ULK4: variants seen among roughly 807,000 people sequenced by gnomAD.
The protein encoded by ULK4 is inactive serine/threonine-protein kinase ULK4.
ULK4 carries 133 observed loss-of-function variants against 160.6 expected under a neutral mutation model. The observed-to-expected ratio is 0.83, with a 90% CI of 0.72 to 0.96. The LOEUF is 0.96. ULK4 is among the 40% of genes least tolerant of loss of function. The pLI is 0.00. For missense variants in ULK4, 1,580 were observed against 1,499.5 expected (o/e 1.05, Z -0.89); for synonymous variants, 534 against 539.8 (o/e 0.99, Z 0.15).
At chr3:41,536,865 T>TC (rs1266730290) in intron 32 of ULK4, among the ~76,000 whole-genome samples, 5 of 152,230 alleles carry the variant, frequency 3.3e-5, no homozygotes, top group African/African-American at 1.2e-4. Flanking sequence ...TTTGTCTTTT[T>TC]GTTTTTTTCA....
At chr3:41,775,694 C>G (rs1378787427) in intron 21 of ULK4, among the ~76,000 whole-genome samples, 1 of 150,750 alleles carries the variant, frequency 6.6e-6, no homozygotes, top group East Asian at 1.9e-4. Flanking sequence ...CCACCGCGCC[C>G]AGCCGACAAC....
intron 20 of ULK4, among the ~76,000 whole-genome samples, chr3:41,791,076 A>G (rs973229061): frequency 6.6e-5 from 10 of 152,250 alleles, no homozygotes; most frequent in African/African-American, 2.4e-4. Context: ...TATAAAAAAC[A>G]TAAAAAGACT....
intron 35 of ULK4, among the ~76,000 whole-genome samples, chr3:41,351,252 A>C (rs1018504156): frequency 2.0e-5 from 3 of 152,176 alleles, no homozygotes; most frequent in African/African-American, 7.2e-5. Context: ...AAGGTAACTC[A>C]CCACAGAGGG....
At chr3:41,257,960 T>C (rs987577875) in intron 35 of ULK4, among the ~76,000 whole-genome samples, 1 of 152,224 alleles carries the variant, frequency 6.6e-6, no homozygotes, top group African/African-American at 2.4e-5. Context: ...TGCTAAATTA[T>C]TGTATACTAT....
chr3:41,307,551 G>A (rs1485450277), intron 35 of ULK4, among the ~76,000 whole-genome samples: 1 of 152,140 alleles, frequency 6.6e-6, no homozygotes, highest in Non-Finnish European at 1.5e-5. Flanking sequence ...AATTAGGCTG[G>A]GTGTAATCGC....
At chr3:41,676,978 T>C (rs115628125) in intron 29 of ULK4, among the ~76,000 whole-genome samples, 113 of 138,030 alleles carry the variant, frequency 8.2e-4, no homozygotes, top group African/African-American at 3.2e-3. Flanking sequence ...AGAATCACGG[T>C]CACCATATCC....
chr3:41,690,681 G>T (rs902205727), intron 27 of ULK4, among the ~76,000 whole-genome samples: 1 of 151,628 alleles, frequency 6.6e-6, no homozygotes, highest in African/African-American at 2.4e-5. Context: ...TCTTCATCCA[G>T]GGTTCTACGC....
chr3:41,647,847 A>G (rs887655721), intron 30 of ULK4, among the ~76,000 whole-genome samples: 6 of 152,136 alleles, frequency 3.9e-5, no homozygotes, highest in African/African-American at 1.2e-4. Flanking sequence ...GGTGGGCTCC[A>G]CCCAGTTTGA....
intron 21 of ULK4, among the ~76,000 whole-genome samples, chr3:41,760,101 GA>G (rs1341701678): frequency 6.6e-6 from 1 of 151,766 alleles, no homozygotes; most frequent in East Asian, 1.9e-4. Context: ...TCAAAATTAA[GA>G]AAAAAATTTT....
chr3:41,508,810 A>G (rs1032530490), intron 32 of ULK4, among the ~76,000 whole-genome samples: 1 of 152,136 alleles, frequency 6.6e-6, no homozygotes, highest in Admixed American at 6.5e-5. Context: ...GTGGGACAAA[A>G]GAATCTGAAC....
chr3:41,570,150 G>A (rs186008251), intron 31 of ULK4, among the ~76,000 whole-genome samples: 1 of 152,260 alleles, frequency 6.6e-6, no homozygotes, highest in Non-Finnish European at 1.5e-5. Context: ...CAGCAGATTT[G>A]TACCTCCCAC....
At chr3:41,903,370 T>TG in intron 12 of ULK4, among the ~76,000 whole-genome samples, 1 of 152,164 alleles carries the variant, frequency 6.6e-6, no homozygotes, top group East Asian at 1.9e-4. Flanking sequence ...GGATCACCTG[T>TG]GGCCAGGAAT....
intron 29 of ULK4, among the ~76,000 whole-genome samples, 184 bp from the exon 30 acceptor site, chr3:41,663,883 T>C (rs2035267225): frequency 6.6e-6 from 1 of 152,192 alleles, no homozygotes; most frequent in Admixed American, 6.5e-5. Context: ...ATATGCTCTA[T>C]TGAAATAAGA....
chr3:41,642,948 T>C (rs1277313960), intron 30 of ULK4, among the ~76,000 whole-genome samples: 5 of 152,260 alleles, frequency 3.3e-5, no homozygotes, highest in African/African-American at 1.2e-4. Context: ...CCAGTGATGA[T>C]GAGCATTTTT....
intron 21 of ULK4, among the ~76,000 whole-genome samples, chr3:41,774,502 G>C (rs1207883320): frequency 1.3e-5 from 2 of 149,492 alleles, no homozygotes; most frequent in South Asian, 2.1e-4. Context: ...TCAGAGAAAT[G>C]CAAATCAAAA....
In ULK4 at chr3:41,267,360, T is replaced by C. The variant is rs184567913; in HGVS notation, c.3679-17786A>G. 2.0e-3 allele frequency among the ~76,000 whole-genome samples: 304 copies of C among 152,326 alleles called. 3 individuals carry two copies. Among genetic ancestry groups the C allele is most frequent in the African/African-American group, 7.2e-3 (300 of 41,582 alleles). ...ACATGATCTTATTCCTTTTTATGGC[T>C]GCATAGTACTCCATGGTGTATATGT... On this transcript the variant is annotated intron_variant, in intron 35 of 36. Transcript: ENST00000301831.
chr3:41,455,537 T>G lies in ULK4; in HGVS notation c.3452A>C (p.Asn1151Thr). The G allele has an allele frequency of 6.2e-7, 1 of 1,614,032 alleles. No individual in the cohort carries two copies. Among genetic ancestry groups the G allele is most frequent in the East Asian group, 2.2e-5 (1 of 44,860 alleles). ...PQAAEDLLLL[N>T]RPLTDLISLL... ...GCTAATCAGGTCTGTCAGAGGTCTG[T>G]TGAGCAGCAGCAGGTCTTCTGCAGC... is the stretch of plus-strand genomic sequence containing the variant. Residue 1151 changes from asparagine to threonine, a missense_variant, in exon 34 of 37, where the codon AAC becomes ACC. Asn to Thr is a moderately conservative substitution (Grantham distance 65, BLOSUM62 0). Coordinates refer to ENST00000301831, the MANE Select transcript of ULK4 (RefSeq NM_017886.4).
chr3:41,656,444 AC>A (rs2034938989), intron 30 of ULK4, among the ~76,000 whole-genome samples: 1 of 152,166 alleles, frequency 6.6e-6, no homozygotes, highest in Non-Finnish European at 1.5e-5. Context: ...ATGTATTAAA[AC>A]CATTACATTG....
chr3:41,600,743 C>A (rs1042788808), intron 31 of ULK4, among the ~76,000 whole-genome samples: 1 of 152,220 alleles, frequency 6.6e-6, no homozygotes, highest in Non-Finnish European at 1.5e-5. Context: ...CCACAGTAAA[C>A]CGTGAGCTCA....
Sources: gnomAD v4.1 joint callset for allele counts (sites outside exome capture counted in the v4.1 genomes callset) on GRCh38, gnomAD v4.1.1 for gene constraint, MANE v1.5 for transcripts, NCBI Gene and HGNC (gene_info 2026-07-23, HGNC 2026-07-21) for gene names.